The following DOT1L variants were observed in gnomAD, a reference collection of about 807,000 sequenced individuals.
DOT1L encodes the protein DOT1 like histone lysine methyltransferase.
In DOT1L, 33 loss-of-function variants were observed where a neutral mutation model predicts 153.3. The ratio of observed to expected loss-of-function variants is 0.22; its 90% CI spans 0.16 to 0.29. The LOEUF (loss-of-function observed/expected upper bound fraction) is 0.29, where lower values mean the gene tolerates loss of function less well. DOT1L is among the 10% of genes least tolerant of loss of function. The pLI, the probability that DOT1L is intolerant of heterozygous loss-of-function variation, is 1.00. For missense variants in DOT1L, 1,847 were observed against 2,119.9 expected, an observed-to-expected ratio of 0.87 and a Z score of 2.53; for synonymous variants, 1,135 against 965.1, an observed-to-expected ratio of 1.18 and a Z score of -3.26.
chr19:2,210,503 C>T lies in DOT1L; in HGVS notation c.1109C>T (p.Ala370Val), dbSNP rs531348145. The T allele has an allele frequency of 1.9e-6, 3 of 1,595,448 alleles. No homozygotes were observed. Among genetic ancestry groups the T allele is most frequent in the South Asian group, 1.1e-5 (1 of 90,270 alleles). The change falls in exon 13 of 28, where the codon GCC becomes GTC. Residue 370 changes from alanine to valine, a missense_variant. Ala to Val is a moderately conservative substitution (Grantham distance 64, BLOSUM62 0). Transcript: ENST00000398665. The part of the protein sequence containing the change: ...PEGKVAGPAD[A>V]PMDSGAEEEK... ...GGCAAGGTGGCCGGCCCCGCCGACGCCCCCATGGTAAGGCCCCAGCCTGGC... is the reference window on the plus strand; with the variant it reads ...GGCAAGGTGGCCGGCCCCGCCGACGTCCCCATGGTAAGGCCCCAGCCTGGC...
In DOT1L at chr19:2,185,846, G is replaced by C. The variant is rs749580624; in HGVS notation, c.126-9G>C. Reference sequence around the variant, plus strand: ...ACCCTTCCTGATCGTTTCTGCTGCTGTGTTTCAGATGGGTCTGTGAAGAAA... The same window carrying C: ...ACCCTTCCTGATCGTTTCTGCTGCTCTGTTTCAGATGGGTCTGTGAAGAAA... On this transcript the variant is annotated splice_polypyrimidine_tract_variant and intron_variant, in intron 2 of 27. Transcript: ENST00000398665. The C allele has an allele frequency of 6.2e-7, 1 of 1,613,952 alleles. No individual in the cohort carries two copies. Among genetic ancestry groups the C allele is most frequent in the Admixed American group, 1.7e-5 (1 of 60,008 alleles).
chr19:2,199,927 T>C lies in DOT1L; in HGVS notation c.695T>C (p.Ile232Thr). 1 of 1,613,910 alleles carries C rather than the reference T, an allele frequency of 6.2e-7. No individual in the cohort carries two copies. Among genetic ancestry groups the C allele is most frequent in the Non-Finnish European group, 8.5e-7 (1 of 1,179,896 alleles). The change falls in exon 8 of 28, where the codon ATC (isoleucine) becomes ACC (threonine). Residue 232 changes from isoleucine to threonine, a missense_variant. Around this residue, in one of 8 missense-constraint regions of DOT1L, gnomAD observed 148 missense variants for 422.3 expected, o/e 0.35. Coordinates refer to ENST00000398665, the MANE Select transcript of DOT1L (RefSeq NM_032482.3). ...DFLSEEWRERIANTSVIFVNN... is the reference protein window; with the variant it reads ...DFLSEEWRERTANTSVIFVNN... ...CTCTCAGAAGAGTGGAGGGAGCGAA[T>C]CGCCAACACGAGGTATGGCCAGCGT... is the stretch of plus-strand genomic sequence containing the variant.
At position 2,226,346 on chromosome 19, in the gene DOT1L, C is replaced by A; in HGVS notation, c.3825C>A (p.Phe1275Leu). The change falls in exon 27 of 28, where the codon TTC (phenylalanine) becomes TTA (leucine). Residue 1275 changes from phenylalanine to leucine, a missense_variant. Coordinates refer to ENST00000398665, the MANE Select transcript of DOT1L (RefSeq NM_032482.3). ...SALSQNSLFT[F>L]RPALEEPSAD... ...TCAGCCAGAACTCCCTGTTCACGTT[C>A]CGGCCCGCCCTGGAGGAGCCCTCTG... 1 of 1,593,078 alleles carries A rather than the reference C, an allele frequency of 6.3e-7. No homozygotes were observed. The highest frequency in any genetic ancestry group is 8.5e-7 in the Non-Finnish European group (1 of 1,171,854).
chr19:2,169,818 A>G, intron 1 of DOT1L, among the ~76,000 whole-genome samples: 1 of 152,178 alleles, frequency 6.6e-6, no homozygotes, highest in East Asian at 1.9e-4. Flanking sequence ...TTAGCTCGAC[A>G]GTGTGAATCT....
At chr19:2,172,159 G>A (rs944708796) in intron 1 of DOT1L, among the ~76,000 whole-genome samples, 1 of 151,966 alleles carries the variant, frequency 6.6e-6, no homozygotes, top group East Asian at 1.9e-4. Context: ...CCCACTCCTC[G>A]GACGCACTTT....
At chr19:2,171,873 G>A (rs1426838039) in intron 1 of DOT1L, among the ~76,000 whole-genome samples, 5 of 152,202 alleles carry the variant, frequency 3.3e-5, no homozygotes. Context: ...GAATGTATGC[G>A]CGGCAGTTAC....
rs768918581 is a variant in DOT1L, at chr19:2,226,718, C to A, written c.4197C>A (p.Pro1399=). The A allele has an allele frequency of 5.8e-6, 9 of 1,564,528 alleles. No homozygotes were observed. In the Admixed American group the frequency reaches 1.5e-4, roughly 25 times the overall value. Residue 1399 remains proline, a synonymous_variant, in exon 27 of 28, where the codon CCC becomes CCA. Coordinates refer to ENST00000398665, the MANE Select transcript of DOT1L (RefSeq NM_032482.3). ...AGEGGLPLCG[P]TDKTPLLSGK... is the part of the protein sequence containing the mutation. Reference sequence around the variant, plus strand: ...AGGGCGGCCTACCGCTGTGCGGGCCCACGGACAAGACCCCACTGCTGAGCG... The same window carrying A: ...AGGGCGGCCTACCGCTGTGCGGGCCAACGGACAAGACCCCACTGCTGAGCG...
At position 2,216,530 on chromosome 19, in the gene DOT1L, G is replaced by T; in HGVS notation, c.2173G>T (p.Val725Leu). ...GQAAGYELCG[V>L]LSRPSSKQNT... The stretch of plus-strand genomic sequence containing the variant: ...GGCTGCTGGCTATGAGCTCTGCGGT[G>T]TGCTGAGCCGGCCTTCGTCGAAGCA... The change falls in exon 20 of 28, where the codon GTG (valine) becomes TTG (leucine). Residue 725 changes from valine to leucine, a missense_variant. Val to Leu is a conservative substitution (Grantham distance 32). Coordinates refer to ENST00000398665, the MANE Select transcript of DOT1L (RefSeq NM_032482.3). 1 of 1,611,796 alleles carries T rather than the reference G, an allele frequency of 6.2e-7. No individual in the cohort carries two copies.
intron 3 of DOT1L, among the ~76,000 whole-genome samples, chr19:2,186,383 G>C (rs539299413): frequency 6.6e-6 from 1 of 152,226 alleles, no homozygotes; most frequent in Admixed American, 6.5e-5. Context: ...CCTGGGTCTC[G>C]GAGGAGGGTC....
At chr19:2,172,550 G>T (rs2021699569) in intron 1 of DOT1L, among the ~76,000 whole-genome samples, 3 of 149,180 alleles carry the variant, frequency 2.0e-5, no homozygotes, top group African/African-American at 7.4e-5. Flanking sequence ...TTTTACTCAG[G>T]CTGGAGTGCA....
In DOT1L at chr19:2,198,243, A is replaced by G. The variant is rs907621116; in HGVS notation, c.652-1641A>G. Among the ~76,000 whole-genome samples the G allele has an allele frequency of 2.0e-5, 3 of 152,158 alleles. No homozygotes were observed. In the South Asian group the frequency reaches 6.2e-4, roughly 32 times the overall value. ...GAGTCATTTCCTGGGTGGCTTGTTCACGGGGAATGAGGGATGTTCAGAGGG... is the reference window on the plus strand; with the variant it reads ...GAGTCATTTCCTGGGTGGCTTGTTCGCGGGGAATGAGGGATGTTCAGAGGG... On this transcript the variant is annotated intron_variant, in intron 7 of 27. Coordinates refer to ENST00000398665, the MANE Select transcript of DOT1L (RefSeq NM_032482.3).
rs556830509 is a variant in DOT1L at position 2,166,979 on chromosome 19, C to G, written c.81+2714C>G. Among the ~76,000 whole-genome samples, 3 of 152,314 alleles carry G rather than the reference C, an allele frequency of 2.0e-5. No homozygotes were observed. In the East Asian group the frequency reaches 5.8e-4, roughly 29 times the overall value. ...ATCAACAGCATGTTGCCCTTTGGTC[C>G]TGGTGGCTTTCAGGCGGCCAAATCC... On this transcript the variant is annotated intron_variant, in intron 1 of 27. Coordinates refer to ENST00000398665, the MANE Select transcript of DOT1L (RefSeq NM_032482.3).
intron 12 of DOT1L, 116 bp downstream of exon 12, chr19:2,209,092 C>T: frequency 3.3e-6 from 4 of 1,196,510 alleles, no homozygotes; most frequent in Non-Finnish European, 4.7e-6. Context: ...CCCTGCCGCC[C>T]CTCGGGGCCC....
In DOT1L at chr19:2,216,377, C is replaced by T. The variant is rs573741033; in HGVS notation, c.2020C>T (p.Arg674Cys). The stretch of plus-strand genomic sequence containing the variant: ...TGACGACGCCCTGTCCCTGCACCTG[C>T]GTGGGAAGGGCGCCCTGGGCCGCGA... Reference protein sequence around the residue: ...PPDDALSLHLRGKGALGRELE... With the variant: ...PPDDALSLHLCGKGALGRELE... The change falls in exon 20 of 28, where the codon CGT becomes TGT. Residue 674 changes from arginine (R) to cysteine (C), a missense_variant. Coordinates refer to ENST00000398665, the MANE Select transcript of DOT1L (RefSeq NM_032482.3). The T allele has an allele frequency of 1.9e-5, 31 of 1,612,264 alleles. No individual in the cohort carries two copies. The highest frequency in any genetic ancestry group is 1.7e-4 in the Middle Eastern group (1 of 6,058).
intron 1 of DOT1L, among the ~76,000 whole-genome samples, chr19:2,168,189 C>T (rs540037594): frequency 2.0e-4 from 31 of 152,226 alleles, no homozygotes; most frequent in African/African-American, 6.7e-4. Context: ...GAAGACAGGC[C>T]GGGCACAGGG....
chr19:2,165,307 T>C (rs541494555), intron 1 of DOT1L, among the ~76,000 whole-genome samples: 41 of 151,914 alleles, frequency 2.7e-4, no homozygotes, highest in African/African-American at 9.4e-4. Context: ...TTGTGTCAGT[T>C]TTTGGAAACG....
intron 27 of DOT1L, chr19:2,228,983 C>G (rs1194804885): frequency 8.1e-6 from 8 of 985,414 alleles, no homozygotes; most frequent in Non-Finnish European, 9.6e-6. Flanking sequence ...GAGGCAAGCT[C>G]TGTGCCCTGC....
At chr19:2,167,933 C>G (rs1419044748) in intron 1 of DOT1L, among the ~76,000 whole-genome samples, 1 of 152,024 alleles carries the variant, frequency 6.6e-6, no homozygotes, top group African/African-American at 2.4e-5. Flanking sequence ...CAGGGTTTCA[C>G]CATATTGGCC....
At position 2,193,290 on chromosome 19, in the gene DOT1L, G is replaced by A. The variant is rs189951796; in HGVS notation, c.494-399G>A. Among the ~76,000 whole-genome samples, 7 of 151,886 alleles carry A rather than the reference G, an allele frequency of 4.6e-5. No homozygotes were observed. In the East Asian group the frequency reaches 9.6e-4, roughly 21 times the overall value. On this transcript the variant is annotated intron_variant, in intron 5 of 27. Transcript: ENST00000398665. The surrounding 1 kb of genome is among the most constrained non-coding windows in gnomAD (Gnocchi z 5.9). Reference sequence around the variant, plus strand: ...CCTGGGGTGCCATAAGATTTTATCAGCCAGGTTGCTGTGTGTCTGTGTGCT... The same window carrying A: ...CCTGGGGTGCCATAAGATTTTATCAACCAGGTTGCTGTGTGTCTGTGTGCT...
Sources: allele counts gnomAD v4.1 joint callset (sites outside exome capture counted in the v4.1 genomes callset), GRCh38; gene constraint gnomAD v4.1.1; regional missense constraint gnomAD v4.1.1; non-coding constraint Gnocchi (gnomAD v3.1); transcripts MANE v1.5; gene names NCBI Gene and HGNC (gene_info 2026-07-23, HGNC 2026-07-21).